CACNA1A: variants seen among roughly 807,000 people sequenced by gnomAD.
CACNA1A encodes calcium voltage-gated channel subunit alpha1 A.
In CACNA1A, 57 loss-of-function variants were observed where a neutral mutation model predicts 262.4. The ratio of observed to expected loss-of-function variants is 0.22; its 90% CI spans 0.18 to 0.27. CACNA1A has a LOEUF of 0.27. Among genes scored for constraint, CACNA1A ranks in the 10% least tolerant of loss-of-function variants. The pLI, the probability that CACNA1A is intolerant of heterozygous loss-of-function variation, is 1.00. For synonymous variants in CACNA1A, 1,431 were observed against 1,419.3 expected (o/e 1.01, Z -0.18); for missense variants, 2,526 against 3,562.8 (o/e 0.71, Z 7.41).
At chr19:13,379,065 C>CA (rs1380030878) in intron 3 of CACNA1A, among the ~76,000 whole-genome samples, 1 of 151,060 alleles carries the variant, frequency 6.6e-6, no homozygotes, top group African/African-American at 2.4e-5. Context: ...ACTGCAGTCT[C>CA]AATCTCTCAG....
At chr19:13,489,019 T>C (rs952276859) in intron 1 of CACNA1A, among the ~76,000 whole-genome samples, 10 of 130,496 alleles carry the variant, frequency 7.7e-5, no homozygotes, top group African/African-American at 2.9e-4. Flanking sequence ...TTTTTTTTTT[T>C]TTTTTTTTTT....
chr19:13,240,064 T>C (rs2056020262), intron 31 of CACNA1A, among the ~76,000 whole-genome samples: 1 of 151,280 alleles, frequency 6.6e-6, no homozygotes, highest in South Asian at 2.1e-4. Context: ...GGCATCATAA[T>C]TGCTTGAAAC....
At chr19:13,426,353 T>C (rs1221429862) in intron 3 of CACNA1A, among the ~76,000 whole-genome samples, 1 of 152,190 alleles carries the variant, frequency 6.6e-6, no homozygotes, top group Non-Finnish European at 1.5e-5. Context: ...GGGGCGTTTC[T>C]ACCCTCCATG....
In CACNA1A at chr19:13,317,341, G is replaced by C. The variant is rs2058147845; in HGVS notation, c.1346-20C>G. ...GAGAACCTGCCAGGGAAAAGATGGA[G>C]AATGTCAGGCTCAGGCTGTTCCTTC... On this transcript the variant is annotated intron_variant, in intron 10 of 46. Transcript: ENST00000360228. The C allele has an allele frequency of 6.3e-7, 1 of 1,583,096 alleles. No individual in the cohort carries two copies. Among genetic ancestry groups the C allele is most frequent in the African/African-American group, 1.3e-5 (1 of 74,376 alleles).
chr19:13,482,023 T>C (rs1979382399), intron 1 of CACNA1A, among the ~76,000 whole-genome samples: 1 of 152,036 alleles, frequency 6.6e-6, no homozygotes, highest in South Asian at 2.1e-4. Context: ...AAGCTTGGCA[T>C]AGAATTTATC....
chr19:13,314,425 T>G (rs10401258), intron 11 of CACNA1A, among the ~76,000 whole-genome samples: 44,556 of 152,036 alleles, frequency 0.29, 7,089 homozygotes, highest in East Asian at 0.46. Flanking sequence ...ATTAAGTCAT[T>G]ACGGTAGAGC....
intron 3 of CACNA1A, among the ~76,000 whole-genome samples, chr19:13,414,846 C>T (rs1417867214): frequency 1.3e-5 from 2 of 151,954 alleles, no homozygotes; most frequent in Non-Finnish European, 2.9e-5. Context: ...GCCTGTAGTC[C>T]CAGCTATTCC....
chr19:13,258,707 G>A (rs906033956), intron 27 of CACNA1A: 11 of 152,032 alleles, frequency 7.2e-5, no homozygotes, highest in African/African-American at 2.2e-4. Context: ...AGGGAGGTGA[G>A]GATGCTGAGG....
At chr19:13,291,781 T>C (rs573143990) in intron 19 of CACNA1A, among the ~76,000 whole-genome samples, 2 of 152,016 alleles carry the variant, frequency 1.3e-5, no homozygotes, top group Admixed American at 1.3e-4. Context: ...CACTCCAGCC[T>C]GGGTAACAGA....
intron 31 of CACNA1A, among the ~76,000 whole-genome samples, chr19:13,238,717 C>G (rs1477351216): frequency 2.5e-4 from 38 of 152,014 alleles, no homozygotes. Flanking sequence ...TCCTGAGGAT[C>G]TGGGATTACA....
At chr19:13,473,020 A>G (rs1026086613) in intron 1 of CACNA1A, among the ~76,000 whole-genome samples, 1 of 152,168 alleles carries the variant, frequency 6.6e-6, no homozygotes, top group Admixed American at 6.5e-5. Flanking sequence ...CGGGAGGCTG[A>G]GGAGGGAGGA....
intron 17 of CACNA1A, among the ~76,000 whole-genome samples, chr19:13,301,959 A>C (rs1327900050): frequency 6.6e-6 from 1 of 151,802 alleles, no homozygotes; most frequent in Non-Finnish European, 1.5e-5. Context: ...AGAAACACCT[A>C]AAATGCAGAT....
intron 3 of CACNA1A, among the ~76,000 whole-genome samples, chr19:13,390,514 T>C (rs1599351308): frequency 6.6e-6 from 1 of 152,194 alleles, no homozygotes; most frequent in South Asian, 2.1e-4. Context: ...CACCTGTGGG[T>C]TTTGAGCACT....
intron 1 of CACNA1A, among the ~76,000 whole-genome samples, chr19:13,475,059 A>C (rs1479894278): frequency 1.3e-5 from 2 of 152,226 alleles, no homozygotes; most frequent in African/African-American, 2.4e-5. Flanking sequence ...GGAAAGCAAG[A>C]AATATTTGTT....
chr19:13,270,813 A>G (rs1421562183), intron 24 of CACNA1A, among the ~76,000 whole-genome samples: 1 of 152,128 alleles, frequency 6.6e-6, no homozygotes, highest in Non-Finnish European at 1.5e-5. Flanking sequence ...CGGCCATGAT[A>G]TAAAGATGCT....
At chr19:13,416,511 T>A (rs2060225192) in intron 3 of CACNA1A, among the ~76,000 whole-genome samples, 2 of 152,096 alleles carry the variant, frequency 1.3e-5, no homozygotes, top group South Asian at 2.1e-4. Context: ...TGAAACCCTG[T>A]CTCTACTAAA....
chr19:13,464,531 A>T, intron 1 of CACNA1A, among the ~76,000 whole-genome samples: 1 of 147,598 alleles, frequency 6.8e-6, no homozygotes, highest in Non-Finnish European at 1.5e-5. Flanking sequence ...CTAATAGTAA[A>T]TAACTTTTCC....
At chr19:13,439,852 C>A (rs2060684822) in intron 3 of CACNA1A, among the ~76,000 whole-genome samples, 1 of 152,172 alleles carries the variant, frequency 6.6e-6, no homozygotes, top group South Asian at 2.1e-4. Context: ...CCAGCCTGAC[C>A]TTCTCCTGTA....
chr19:13,447,862 C>T (rs998154885), intron 3 of CACNA1A, among the ~76,000 whole-genome samples: 3 of 152,198 alleles, frequency 2.0e-5, no homozygotes, highest in African/African-American at 2.4e-5. Flanking sequence ...TCTGGCCACA[C>T]TGGCAGCTGA....
Sources: allele counts gnomAD v4.1 joint callset (sites outside exome capture counted in the v4.1 genomes callset), GRCh38; gene constraint gnomAD v4.1.1; transcripts MANE v1.5; gene names NCBI Gene and HGNC (gene_info 2026-07-23, HGNC 2026-07-21).